WNK1: variants seen among roughly 807,000 people sequenced by gnomAD.
WNK1 encodes serine/threonine-protein kinase WNK1.
In WNK1, 38 loss-of-function variants were observed where a neutral mutation model predicts 222.8. The ratio of observed to expected loss-of-function variants is 0.17; its 90% CI spans 0.13 to 0.22. WNK1 has a LOEUF of 0.22. WNK1 is among the 10% of genes least tolerant of loss of function. The probability of loss-of-function intolerance (pLI) is 1.00; values close to 1 mark genes in which losing one functional copy is unlikely to be tolerated. For missense variants in WNK1, 2,348 were observed against 2,918.4 expected, an observed-to-expected ratio of 0.80 and a Z score of 4.50; for synonymous variants, 1,090 against 1,092.9, an observed-to-expected ratio of 1.00 and a Z score of 0.05.
intron 22 of WNK1, among the ~76,000 whole-genome samples, chr12:894,000 C>G (rs1444536837): frequency 6.6e-6 from 1 of 151,858 alleles, no homozygotes; most frequent in Non-Finnish European, 1.5e-5. Context: ...GGCATATTAC[C>G]TGAGGTCAGG....
At chr12:906,227 TG>T in intron 26 of WNK1, 1 of 830,446 alleles carries the variant, frequency 1.2e-6, no homozygotes, top group Non-Finnish European at 1.5e-6. Flanking sequence ...ACGTGAGATC[TG>T]GTAAGACAGT....
chr12:778,048 CTTAAATGAT>C (rs1296372720), intron 1 of WNK1, among the ~76,000 whole-genome samples: 1 of 152,180 alleles, frequency 6.6e-6, no homozygotes, highest in African/African-American at 2.4e-5. Flanking sequence ...GTCCTGGTTA[CTTAAATGAT>C]TTAAATGATG....
chr12:883,897 A>C, intron 17 of WNK1, 66 bp downstream of exon 17: 2 of 1,580,800 alleles, frequency 1.3e-6, no homozygotes, highest in Non-Finnish European at 1.7e-6. Context: ...GGGTGGTGGC[A>C]GGCTTCTGTA....
chr12:761,179 TATA>T lies in WNK1; in HGVS notation c.759+6859_759+6861del, dbSNP rs372155936. Among the ~76,000 whole-genome samples the T allele has an allele frequency of 2.9e-3, 427 of 147,984 alleles. 13 individuals carry two copies. The highest frequency in any genetic ancestry group is 9.7e-3 in the African/African-American group (401 of 41,246). ...GTTTTGTGGCCAACTTAATTGATCATATAATATCTCCACCTTCACTTACATTAA... is the reference window on the plus strand; with the variant it reads ...GTTTTGTGGCCAACTTAATTGATCATATATCTCCACCTTCACTTACATTAA... On this transcript the variant is annotated intron_variant, in intron 1 of 27. Coordinates refer to ENST00000315939, the MANE Select transcript of WNK1 (RefSeq NM_018979.4).
intron 27 of WNK1, 54 bp downstream of exon 27, chr12:908,088 A>G (rs1383616853): frequency 1.3e-6 from 2 of 1,597,992 alleles, no homozygotes; most frequent in East Asian, 2.2e-5. Flanking sequence ...AGTCAAGGTG[A>G]TAGAAACAAC....
chr12:823,036 G>A (rs973652794), intron 2 of WNK1, among the ~76,000 whole-genome samples: 4 of 151,930 alleles, frequency 2.6e-5, no homozygotes, highest in South Asian at 2.1e-4. Context: ...TATATAATTC[G>A]TGGTTGGCAG....
At chr12:843,456 CA>C (rs1352002235) in intron 4 of WNK1, among the ~76,000 whole-genome samples, 1 of 152,098 alleles carries the variant, frequency 6.6e-6, no homozygotes, top group East Asian at 1.9e-4. Flanking sequence ...TTTTCCAAAA[CA>C]AAATTTAAAA....
chr12:754,003 G>A lies in WNK1; in HGVS notation c.438G>A (p.Gln146=), dbSNP rs1468700495. The A allele has an allele frequency of 1.9e-6, 3 of 1,585,904 alleles. No homozygotes were observed. Among genetic ancestry groups the A allele is most frequent in the African/African-American group, 2.7e-5 (2 of 74,266 alleles). The change falls in exon 1 of 28, where the codon CAG becomes CAA. Residue 146 remains glutamine (Q), a synonymous_variant. Transcript: ENST00000315939. The part of the protein sequence containing the change: ...QPPAAAAPGE[Q]AVAGPAPSTV... ...CAGCCGCTGCCGCCCCTGGGGAACA[G>A]GCCGTCGCGGGCCCTGCCCCCTCGA...
intron 27 of WNK1, chr12:908,257 C>T: frequency 2.6e-6 from 2 of 755,870 alleles, no homozygotes; most frequent in Non-Finnish European, 4.3e-6. Flanking sequence ...TTTCCTTCGT[C>T]ATCCTCAACT....
rs1194260196 is a variant in WNK1, at chr12:885,439, T to C, written c.4635T>C (p.Ser1545=). ...CAACTGGATTGGCTTTCTCCCTCTCTGCACCATCTTCCTCTTCCTCTCCTG... is the reference window on the plus strand; with the variant it reads ...CAACTGGATTGGCTTTCTCCCTCTCCGCACCATCTTCCTCTTCCTCTCCTG... The part of the protein sequence containing the change: ...SSTTGLAFSL[S]APSSSSSPGA... Residue 1545 remains serine (S), a synonymous_variant, in exon 19 of 28, where the codon TCT becomes TCC. Transcript: ENST00000315939. 2 of 1,613,730 alleles carry C rather than the reference T, an allele frequency of 1.2e-6. No individual in the cohort carries two copies. The highest frequency in any genetic ancestry group is 1.7e-5 in the Admixed American group (1 of 60,010).
intron 22 of WNK1, 59 bp from the exon 23 acceptor site, chr12:894,503 G>C: frequency 6.9e-7 from 1 of 1,448,262 alleles, no homozygotes; most frequent in Middle Eastern, 1.7e-4. Context: ...TAGCTAAAGG[G>C]AAAAGAAGTT....
intron 26 of WNK1, among the ~76,000 whole-genome samples, chr12:904,896 A>G (rs774419935): frequency 6.6e-6 from 1 of 152,222 alleles, no homozygotes; most frequent in Non-Finnish European, 1.5e-5. Context: ...TGTGTGCTAG[A>G]TTGACGAGGA....
chr12:894,530 T>C, intron 22 of WNK1, 32 bp from the exon 23 acceptor site: 1 of 1,578,066 alleles, frequency 6.3e-7, no homozygotes. Flanking sequence ...AAGGAGACAC[T>C]TATGTTTTCC....
chr12:794,906 C>T (rs762661535), intron 1 of WNK1, among the ~76,000 whole-genome samples: 15 of 152,196 alleles, frequency 9.9e-5, no homozygotes, highest in Admixed American at 2.0e-4. Flanking sequence ...TGCGTATCAT[C>T]GTGCCTGGCT....
intron 1 of WNK1, among the ~76,000 whole-genome samples, chr12:782,923 G>A (rs191066960): frequency 1.9e-4 from 29 of 151,394 alleles, no homozygotes; most frequent in Non-Finnish European, 2.2e-4. Flanking sequence ...TCTGAGACAG[G>A]GTCTTGCCCT....
At chr12:839,404 A>G (rs1949446724) in intron 4 of WNK1, among the ~76,000 whole-genome samples, 1 of 152,216 alleles carries the variant, frequency 6.6e-6, no homozygotes, top group African/African-American at 2.4e-5. Flanking sequence ...GAAAGACTAA[A>G]TGTTGAAAAC....
chr12:784,343 T>C (rs1228953244), intron 1 of WNK1, among the ~76,000 whole-genome samples: 2 of 152,194 alleles, frequency 1.3e-5, no homozygotes, highest in South Asian at 2.1e-4. Context: ...GAATGCCAAG[T>C]ACCTCTTGTT....
chr12:823,743 T>C, intron 2 of WNK1, among the ~76,000 whole-genome samples: 2 of 152,210 alleles, frequency 1.3e-5, no homozygotes, highest in Middle Eastern at 6.8e-3. Context: ...TAACCATGAG[T>C]TGATTGTTTT....
chr12:878,262 A>G lies in WNK1; in HGVS notation c.2274A>G (p.Ser758=). 1 of 1,614,182 alleles carries G rather than the reference A, an allele frequency of 6.2e-7. No individual in the cohort carries two copies. The highest frequency in any genetic ancestry group is 8.5e-7 in the Non-Finnish European group (1 of 1,180,028). The part of the protein sequence containing the change: ...TAPPQQTVQY[S]LSQTSTSSEA... ...CTCCTCAACAGACAGTGCAGTATTC[A>G]CTTTCACAGACATCAACCTCCAGTG... is the stretch of plus-strand genomic sequence containing the variant. Residue 758 remains serine, a synonymous_variant, in exon 10 of 28, where the codon TCA becomes TCG. Coordinates refer to ENST00000315939, the MANE Select transcript of WNK1 (RefSeq NM_018979.4).
Sources: gnomAD v4.1 joint callset for allele counts (sites outside exome capture counted in the v4.1 genomes callset) on GRCh38, gnomAD v4.1.1 for gene constraint, MANE v1.5 for transcripts, NCBI Gene and HGNC (gene_info 2026-07-23, HGNC 2026-07-21) for gene names.